TMEM179B: variants seen among roughly 807,000 people sequenced by gnomAD.
TMEM179B encodes the protein transmembrane protein 179B.
Under a neutral mutation model 18.0 loss-of-function variants are expected in TMEM179B, and 13 were observed. That is an observed-to-expected ratio of 0.72 (90% CI 0.47 to 1.15). The LOEUF is 1.15. Ranked by LOEUF, TMEM179B falls within the 50% of genes most tolerant of loss-of-function variation. The pLI is 0.00. For synonymous variants in TMEM179B, 159 were observed against 117.5 expected (o/e 1.35, Z -2.29); for missense variants, 320 against 270.6 (o/e 1.18, Z -1.28).
intron 3 of TMEM179B, 44 bp from the exon 4 acceptor site, chr11:62,789,557 A>G (rs557439791): frequency 1.3e-6 from 2 of 1,556,338 alleles, no homozygotes; most frequent in Admixed American, 1.9e-5. Context: ...TGCCTCGGAT[A>G]TAAACTATCA....
intron 3 of TMEM179B, 33 bp from the exon 4 acceptor site, chr11:62,789,568 C>T (rs369725522): frequency 4.2e-5 from 65 of 1,549,550 alleles, no homozygotes; most frequent in African/African-American, 3.0e-4. Context: ...TAAACTATCA[C>T]GCTTTCTCAC....
intron 1 of TMEM179B, 176 bp downstream of exon 1, chr11:62,787,703 C>A: frequency 1.2e-6 from 1 of 825,910 alleles, no homozygotes; most frequent in Non-Finnish European, 1.9e-6. Context: ...TTTGTGGCTC[C>A]TCCTGGCCAG....
Position 62,787,777 on chromosome 11 carries a change from G to A in TMEM179B, c.96+250G>A, listed in dbSNP as rs933112771. 4.1e-5 allele frequency: 28 copies of A among 685,522 alleles called. 1 individual carries two copies. The East Asian group carries it at 7.4e-4, about 18-fold the overall frequency. The allele number at this position is 685,522 out of a possible 1,614,324, so 42.5% of individuals were successfully genotyped here. ...TCAGTAGCGTCTTAAAGCACTAGGTGGAGTCGGGTTTCGTGGCTCCTGCTG... is the reference window on the plus strand; with the variant it reads ...TCAGTAGCGTCTTAAAGCACTAGGTAGAGTCGGGTTTCGTGGCTCCTGCTG... On this transcript the variant is annotated intron_variant, in intron 1 of 4. Transcript: ENST00000333449.
intron 1 of TMEM179B, 185 bp downstream of exon 1, chr11:62,787,712 A>G (rs1224354689): frequency 6.5e-6 from 5 of 772,842 alleles, no homozygotes; most frequent in Non-Finnish European, 6.2e-6. Flanking sequence ...CCTCCTGGCC[A>G]GGTCATACTT....
chr11:62,788,652 C>T (rs909903017), intron 1 of TMEM179B, among the ~76,000 whole-genome samples: 1 of 144,422 alleles, frequency 6.9e-6, no homozygotes, highest in African/African-American at 2.5e-5. Flanking sequence ...TGCAGTGAGC[C>T]GAGATGGCGC....
chr11:62,787,791 T>C, intron 1 of TMEM179B: 1 of 676,716 alleles, frequency 1.5e-6, no homozygotes. Flanking sequence ...TCGGGTTTCG[T>C]GGCTCCTGCT....
In TMEM179B at chr11:62,789,626, T is replaced by C. The variant is rs1377998431; in HGVS notation, c.445T>C (p.Trp149Arg). 3 of 1,549,330 alleles carry C rather than the reference T, an allele frequency of 1.9e-6. No homozygotes were observed. The highest frequency in any genetic ancestry group is 1.4e-5 in the African/African-American group (1 of 72,522). The change falls in exon 4 of 5, where the codon TGG becomes CGG. Residue 149 changes from tryptophan (W) to arginine (R), a missense_variant. Transcript: ENST00000333449. ...CTGTTCTGAAGCCCAGAAAATTCCA[T>C]GGACACCCCCTGGAACTGCTCTGCA... ...ISCSEAQKIPWTPPGTALQFY... is the reference protein window; with the variant it reads ...ISCSEAQKIPRTPPGTALQFY...
chr11:62,790,234 T>C lies in TMEM179B; in HGVS notation c.*187T>C, dbSNP rs185659100. 12 of 649,788 alleles carry C rather than the reference T, an allele frequency of 1.8e-5. No individual in the cohort carries two copies. Among genetic ancestry groups the C allele is most frequent in the Non-Finnish European group, 2.8e-5 (11 of 398,236 alleles). 40.3% of individuals were successfully genotyped at this position (649,788 alleles called of 1,614,324 possible). The stretch of plus-strand genomic sequence containing the variant: ...TTTTTGTACCAAAATATTATATTAC[T>C]GTCTTCATCTTAGTAGTGAGTTTTT... On this transcript the variant is annotated 3_prime_UTR_variant, in exon 5 of 5. Coordinates refer to ENST00000333449, the MANE Select transcript of TMEM179B (RefSeq NM_199337.3).
At chr11:62,788,555 T>C (rs2084318031) in intron 1 of TMEM179B, among the ~76,000 whole-genome samples, 1 of 151,416 alleles carries the variant, frequency 6.6e-6, no homozygotes, top group Non-Finnish European at 1.5e-5. Flanking sequence ...ATACAAACAA[T>C]TAGCCAGGCA....
Position 62,790,225 on chromosome 11 carries a change from T to C in TMEM179B, c.*178T>C, listed in dbSNP as rs2084343756. On this transcript the variant is annotated 3_prime_UTR_variant, in exon 5 of 5. Transcript: ENST00000333449. ...CTGCAGCTGTTTTTGTACCAAAATA[T>C]TATATTACTGTCTTCATCTTAGTAG... 4.4e-6 allele frequency: 3 copies of C among 681,940 alleles called. No homozygotes were observed. The allele number at this position is 681,940 out of a possible 1,614,324, so 42.2% of individuals were successfully genotyped here.
chr11:62,787,561 G>A (rs1165076043), intron 1 of TMEM179B, 34 bp downstream of exon 1: 1 of 1,510,272 alleles, frequency 6.6e-7, no homozygotes, highest in Non-Finnish European at 8.8e-7. Context: ...GTAGGCGGGG[G>A]AGCTGGCCGG....
chr11:62,790,356 C>CTTTATT lies in TMEM179B; in HGVS notation c.*310_*311insTTATTT. The CTTTATT allele has an allele frequency of 1.8e-6, 1 of 545,168 alleles. No individual in the cohort carries two copies. The highest frequency in any genetic ancestry group is 3.2e-6 in the Non-Finnish European group (1 of 312,278). 33.8% of individuals were successfully genotyped at this position (545,168 alleles called of 1,614,324 possible). A position where few individuals can be genotyped will look rare whatever the true frequency, so the allele number is the denominator to read the frequency against. ...TGTTAGGCAGCTGCCCTAGGGATGACTGCTCCTTTATTTGTTGTTAATGAA... is the reference window on the plus strand; with the variant it reads ...TGTTAGGCAGCTGCCCTAGGGATGACTTTATTTGCTCCTTTATTTGTTGTTAATGAA... On this transcript the variant is annotated 3_prime_UTR_variant, in exon 5 of 5. Coordinates refer to ENST00000333449, the MANE Select transcript of TMEM179B (RefSeq NM_199337.3).
intron 1 of TMEM179B, among the ~76,000 whole-genome samples, chr11:62,788,724 T>C (rs1424528689): frequency 6.7e-6 from 1 of 149,900 alleles, no homozygotes; most frequent in Admixed American, 6.6e-5. Flanking sequence ...TGTTGAAGGA[T>C]ATACAAGGCC....
Position 62,789,315 on chromosome 11 carries a change from C to T in TMEM179B, c.308C>T (p.Ala103Val). The T allele has an allele frequency of 1.9e-6, 3 of 1,614,104 alleles. No individual in the cohort carries two copies. The highest frequency in any genetic ancestry group is 2.5e-6 in the Non-Finnish European group (3 of 1,180,012). The change falls in exon 3 of 5, where the codon GCA becomes GTA. Residue 103 changes from alanine (A) to valine (V), a missense_variant. Physicochemically the swap from Ala to Val is moderately conservative, Grantham distance 64 (BLOSUM62 0). Coordinates refer to ENST00000333449, the MANE Select transcript of TMEM179B (RefSeq NM_199337.3). ...SHRGAIGLRIALAISAIAVFL... is the reference protein window; with the variant it reads ...SHRGAIGLRIVLAISAIAVFL... ...AGAGGTGCTATAGGGCTGCGCATTG[C>T]ACTGGCCATCTCAGCTATAGCCGTC...
At chr11:62,788,063 T>C (rs2084309568) in intron 1 of TMEM179B, 1 of 450,986 alleles carries the variant, frequency 2.2e-6, no homozygotes, top group Non-Finnish European at 4.5e-6. Context: ...GTTCATTTAA[T>C]GCCTATAAAG....
rs942781241 is a variant in TMEM179B at position 62,789,435 on chromosome 11, A to G, written c.419+9A>G. On this transcript the variant is annotated intron_variant, in intron 3 of 4. Coordinates refer to ENST00000333449, the MANE Select transcript of TMEM179B (RefSeq NM_199337.3). ...TTGAACACTACAATTAGGTAATGGG[A>G]GAGGGAGGGAAGCCTGGCTGGGGCT... 1 of 1,613,600 alleles carries G rather than the reference A, an allele frequency of 6.2e-7. No homozygotes were observed. Among genetic ancestry groups the G allele is most frequent in the Non-Finnish European group, 8.5e-7 (1 of 1,179,976 alleles).
Position 62,789,216 on chromosome 11 carries a change from T to A in TMEM179B, c.284+6T>A, listed in dbSNP as rs2084328740. The A allele has an allele frequency of 6.2e-7, 1 of 1,613,900 alleles. No individual in the cohort carries two copies. The highest frequency in any genetic ancestry group is 8.5e-7 in the Non-Finnish European group (1 of 1,179,872). On this transcript the variant is annotated splice_donor_region_variant and intron_variant, in intron 2 of 4. Coordinates refer to ENST00000333449, the MANE Select transcript of TMEM179B (RefSeq NM_199337.3). ...TGCATCGAGGACTCCCACAGGTGAC[T>A]GCCTAACCCTGAGGGCCAGGGGCTG... is the stretch of plus-strand genomic sequence containing the variant.
chr11:62,789,715 A>C (rs564724681), intron 4 of TMEM179B, 36 bp downstream of exon 4: 1 of 1,524,144 alleles, frequency 6.6e-7, no homozygotes, highest in Admixed American at 2.2e-5. Flanking sequence ...ACTGACATAA[A>C]TATCTGTAGC....
In TMEM179B at chr11:62,790,039, C is replaced by G; in HGVS notation, c.652C>G (p.His218Asp). The G allele has an allele frequency of 1.2e-6, 2 of 1,610,052 alleles. No homozygotes were observed. Among genetic ancestry groups the G allele is most frequent in the Non-Finnish European group, 1.7e-6 (2 of 1,177,978 alleles). Residue 218 changes from histidine to aspartate, a missense_variant, in exon 5 of 5, where the codon CAT (histidine) becomes GAT (aspartate). Physicochemically the swap from His to Asp is moderately conservative, Grantham distance 81. Coordinates refer to ENST00000333449, the MANE Select transcript of TMEM179B (RefSeq NM_199337.3). ...TDALVGSRLS[H>D]S Reference sequence around the variant, plus strand: ...TGCTCTCGTTGGGTCACGCCTTTCCCATTCCTGAAGAATAAGCGGAGTGCT... The same window carrying G: ...TGCTCTCGTTGGGTCACGCCTTTCCGATTCCTGAAGAATAAGCGGAGTGCT...
Sources: gnomAD v4.1 joint callset for allele counts (sites outside exome capture counted in the v4.1 genomes callset) on GRCh38, gnomAD v4.1.1 for gene constraint, MANE v1.5 for transcripts, NCBI Gene and HGNC (gene_info 2026-07-23, HGNC 2026-07-21) for gene names.